The following CREB3L2 variants were observed in gnomAD, a reference collection of about 807,000 sequenced individuals.
The protein encoded by CREB3L2 is cyclic AMP-responsive element-binding protein 3-like protein 2.
A neutral mutation model predicts 57.2 loss-of-function variants in CREB3L2; 23 were observed. That is an observed-to-expected ratio of 0.40 (90% CI 0.29 to 0.57). CREB3L2 has a LOEUF of 0.57. Ranked by LOEUF, CREB3L2 falls within the 20% of genes least tolerant of loss-of-function variation. The pLI, the probability that CREB3L2 is intolerant of heterozygous loss-of-function variation, is 0.42. For missense variants in CREB3L2, 628 were observed against 634.7 expected, an observed-to-expected ratio of 0.99 and a Z score of 0.11; for synonymous variants, 268 against 265.1, an observed-to-expected ratio of 1.01 and a Z score of -0.11.
intron 1 of CREB3L2, among the ~76,000 whole-genome samples, chr7:137,956,011 T>C (rs1422698124): frequency 6.6e-6 from 1 of 152,186 alleles, no homozygotes; most frequent in African/African-American, 2.4e-5. Flanking sequence ...AAATCACTCA[T>C]ACTTTGATGT....
At chr7:137,983,580 C>A (rs1342964024) in intron 1 of CREB3L2, among the ~76,000 whole-genome samples, 3 of 152,224 alleles carry the variant, frequency 2.0e-5, no homozygotes, top group Non-Finnish European at 4.4e-5. Flanking sequence ...TGCTGACTCT[C>A]ACTTAGTATT....
intron 1 of CREB3L2, among the ~76,000 whole-genome samples, chr7:137,976,365 T>A (rs564401374): frequency 2.6e-5 from 4 of 152,232 alleles, no homozygotes; most frequent in African/African-American, 9.6e-5. Context: ...CCTAAGCACC[T>A]CAATGCAGTG....
intron 2 of CREB3L2, among the ~76,000 whole-genome samples, chr7:137,918,635 C>T (rs563830620): frequency 3.3e-5 from 5 of 152,150 alleles, no homozygotes; most frequent in African/African-American, 4.8e-5. Context: ...AAAGGTCGCA[C>T]ACAATTACCA....
At chr7:137,925,127 G>T (rs1286195083) in intron 2 of CREB3L2, among the ~76,000 whole-genome samples, 2 of 152,096 alleles carry the variant, frequency 1.3e-5, no homozygotes, top group African/African-American at 2.4e-5. Flanking sequence ...GGGAGGAAGG[G>T]AAAGTTAGGA....
intron 1 of CREB3L2, among the ~76,000 whole-genome samples, chr7:137,984,556 T>C (rs1801763322): frequency 6.6e-6 from 1 of 152,254 alleles, no homozygotes; most frequent in African/African-American, 2.4e-5. Flanking sequence ...AGGGCCTAGC[T>C]CAGGACTGCT....
At chr7:137,997,693 A>G (rs1563277586) in intron 1 of CREB3L2, among the ~76,000 whole-genome samples, 1 of 152,040 alleles carries the variant, frequency 6.6e-6, no homozygotes, top group Non-Finnish European at 1.5e-5. Flanking sequence ...GAGCAACTGC[A>G]CTCTAGTCTG....
intron 1 of CREB3L2, chr7:137,956,735 T>G: frequency 1.1e-6 from 1 of 922,018 alleles, no homozygotes; most frequent in Non-Finnish European, 1.5e-6. Flanking sequence ...TTCTTTGAGT[T>G]GGGCAAACAT....
chr7:137,876,529 G>C lies in CREB3L2; in HGVS notation c.*3947C>G, dbSNP rs879150776. 8.6e-6 allele frequency: 2 copies of C among 232,966 alleles called. No homozygotes were observed. Among genetic ancestry groups the C allele is most frequent in the African/African-American group, 2.2e-5 (1 of 45,280 alleles). 14.4% of individuals were successfully genotyped at this position (232,966 alleles called of 1,614,324 possible). A position where few individuals can be genotyped will look rare whatever the true frequency, so the allele number is the denominator to read the frequency against. Reference sequence around the variant, plus strand: ...AAGTCTTAGGAGTAACTGAATGAGTGAGTGAATGAACGAAACATCTAAGTC... The same window carrying C: ...AAGTCTTAGGAGTAACTGAATGAGTCAGTGAATGAACGAAACATCTAAGTC... On this transcript the variant is annotated 3_prime_UTR_variant, in exon 12 of 12. Transcript: ENST00000330387.
At position 137,885,116 on chromosome 7, in the gene CREB3L2, C is replaced by T. The variant is rs771312181; in HGVS notation, c.1149G>A (p.Val383=). The change falls in exon 10 of 12, where the codon GTG becomes GTA. Residue 383 remains valine, a synonymous_variant. Coordinates refer to ENST00000330387, the MANE Select transcript of CREB3L2 (RefSeq NM_194071.4). ...CGAATGCAACGGCAAAGCACAGCACCACAACCTGTGGGAGAGAAAGAGGGG... is the reference window on the plus strand; with the variant it reads ...CGAATGCAACGGCAAAGCACAGCACTACAACCTGTGGGAGAGAAAGAGGGG... ...GTQTGTCLMV[V]VLCFAVAFGS... is the part of the protein sequence containing the mutation. 6.2e-7 allele frequency: 1 copy of T among 1,614,084 alleles called. No individual in the cohort carries two copies. The highest frequency in any genetic ancestry group is 1.1e-5 in the South Asian group (1 of 91,064).
chr7:137,881,829 C>T (rs1483343682), intron 11 of CREB3L2, among the ~76,000 whole-genome samples: 1 of 152,174 alleles, frequency 6.6e-6, no homozygotes, highest in South Asian at 2.1e-4. Flanking sequence ...TGAGAAACAA[C>T]TCATGTAGAA....
intron 2 of CREB3L2, among the ~76,000 whole-genome samples, chr7:137,923,297 T>C (rs1404732440): frequency 6.6e-6 from 1 of 152,136 alleles, no homozygotes; most frequent in Non-Finnish European, 1.5e-5. Flanking sequence ...AGGGGAAACA[T>C]CACTATTGTT....
At chr7:137,936,431 C>A (rs1284075810) in intron 1 of CREB3L2, among the ~76,000 whole-genome samples, 1 of 152,152 alleles carries the variant, frequency 6.6e-6, no homozygotes, top group African/African-American at 2.4e-5. Context: ...GTTTCCTTAC[C>A]TGTAAACCTC....
At chr7:137,931,409 C>T (rs963763399) in intron 1 of CREB3L2, among the ~76,000 whole-genome samples, 3 of 151,572 alleles carry the variant, frequency 2.0e-5, no homozygotes, top group Non-Finnish European at 2.9e-5. Flanking sequence ...GTAGTCCCAG[C>T]TACTCAGGAG....
intron 1 of CREB3L2, among the ~76,000 whole-genome samples, chr7:137,931,785 T>C (rs1029570347): frequency 3.9e-5 from 6 of 151,958 alleles, no homozygotes; most frequent in Non-Finnish European, 5.9e-5. Flanking sequence ...TGAGCCGAGA[T>C]CACACTACTG....
At chr7:137,981,577 A>T (rs1801712268) in intron 1 of CREB3L2, among the ~76,000 whole-genome samples, 1 of 152,182 alleles carries the variant, frequency 6.6e-6, no homozygotes, top group Admixed American at 6.5e-5. Flanking sequence ...CACAGACCAA[A>T]AATATATACC....
Position 137,882,456 on chromosome 7 carries a change from C to A in CREB3L2, c.1443G>T (p.Glu481Asp). 1 of 1,614,038 alleles carries A rather than the reference C, an allele frequency of 6.2e-7. No individual in the cohort carries two copies. The highest frequency in any genetic ancestry group is 1.1e-5 in the South Asian group (1 of 91,050). Reference sequence around the variant, plus strand: ...AAAGCACTGACTTCTCCAGGCTGGTCTCATTCGAGATAATGAAATGGGGAA... The same window carrying A: ...AAAGCACTGACTTCTCCAGGCTGGTATCATTCGAGATAATGAAATGGGGAA... ...VDLPHFIISN[E>D]TSLEKSVLLE... is the part of the protein sequence containing the mutation. Residue 481 changes from glutamate to aspartate, a missense_variant, in exon 11 of 12, where the codon GAG (glutamate) becomes GAT (aspartate). Glu to Asp is a conservative substitution (Grantham distance 45, BLOSUM62 2). Coordinates refer to ENST00000330387, the MANE Select transcript of CREB3L2 (RefSeq NM_194071.4).
intron 5 of CREB3L2, 61 bp from the exon 6 acceptor site, chr7:137,905,909 A>T: frequency 4.1e-6 from 6 of 1,448,458 alleles, no homozygotes; most frequent in Non-Finnish European, 5.6e-6. Flanking sequence ...CTGAAGAATC[A>T]CCTCCCAATG....
intron 1 of CREB3L2, among the ~76,000 whole-genome samples, chr7:137,961,922 C>T (rs764890571): frequency 6.6e-6 from 1 of 152,126 alleles, no homozygotes; most frequent in Non-Finnish European, 1.5e-5. Flanking sequence ...CTTTTCTGAA[C>T]CATGGGAACT....
intron 1 of CREB3L2, among the ~76,000 whole-genome samples, chr7:137,988,307 G>C (rs1490828236): frequency 1.3e-5 from 2 of 152,276 alleles, no homozygotes; most frequent in African/African-American, 4.8e-5. Flanking sequence ...TCTGGCCAGA[G>C]TGCCTTTGCG....
Sources: allele counts gnomAD v4.1 joint callset (sites outside exome capture counted in the v4.1 genomes callset), GRCh38; gene constraint gnomAD v4.1.1; transcripts MANE v1.5; gene names NCBI Gene and HGNC (gene_info 2026-07-23, HGNC 2026-07-21).